The following ARHGAP39 variants were observed in gnomAD, a reference collection of about 807,000 sequenced individuals.
ARHGAP39 encodes Rho GTPase activating protein 39.
Under a neutral mutation model 106.9 loss-of-function variants are expected in ARHGAP39, and 44 were observed. The observed-to-expected ratio is 0.41, with a 90% confidence interval of 0.32 to 0.53. The LOEUF (loss-of-function observed/expected upper bound fraction) is 0.53, where lower values mean the gene tolerates loss of function less well. Ranked by LOEUF, ARHGAP39 falls within the 20% of genes least tolerant of loss-of-function variation. The pLI is 0.21. For missense variants in ARHGAP39, 1,496 were observed against 1,577.3 expected (o/e 0.95, Z 0.87); for synonymous variants, 768 against 693.2 (o/e 1.11, Z -1.69).
At chr8:144,664,408 G>A (rs567768272) in intron 1 of ARHGAP39, among the ~76,000 whole-genome samples, 1 of 152,326 alleles carries the variant, frequency 6.6e-6, no homozygotes, top group Admixed American at 6.5e-5. Context: ...TCTGTGAAGG[G>A]CAAGGCCACG....
At chr8:144,699,146 C>T in the ARHGAP39 span, 3 of 281,726 alleles carry the variant, frequency 1.1e-5, no homozygotes, top group African/African-American at 2.4e-5. Context: ...GGACTGTAAG[C>T]CCTGGGAGAT....
At chr8:144,572,423 T>C (rs1818619327) in intron 3 of ARHGAP39, among the ~76,000 whole-genome samples, 2 of 152,192 alleles carry the variant, frequency 1.3e-5, no homozygotes, top group Non-Finnish European at 2.9e-5. Context: ...TGGCTAGCCA[T>C]ATGTAGAAAG....
intron 3 of ARHGAP39, among the ~76,000 whole-genome samples, chr8:144,580,438 C>T (rs1436035523): frequency 6.6e-6 from 1 of 152,206 alleles, no homozygotes; most frequent in African/African-American, 2.4e-5. Context: ...GACCCAGAAC[C>T]CTCTGAGGCT....
intron 1 of ARHGAP39, among the ~76,000 whole-genome samples, chr8:144,609,467 T>A (rs941961098): frequency 1.3e-5 from 2 of 149,508 alleles, no homozygotes; most frequent in Non-Finnish European, 3.0e-5. Context: ...AGTGGCATGA[T>A]CTCGGCTGAC....
At chr8:144,622,215 G>A (rs561435573) in intron 1 of ARHGAP39, among the ~76,000 whole-genome samples, 14 of 152,160 alleles carry the variant, frequency 9.2e-5, no homozygotes, top group African/African-American at 1.9e-4. Flanking sequence ...CGGGCAAAGC[G>A]TGGGGGCCTT....
Position 144,637,534 on chromosome 8 carries a change from C to T in ARHGAP39, c.-81-31839G>A, listed in dbSNP as rs542105562. Among the ~76,000 whole-genome samples, 25 of 152,268 alleles carry T rather than the reference C, an allele frequency of 1.6e-4. No individual in the cohort carries two copies. The Middle Eastern group carries it at 0.01, about 62-fold the overall frequency. ...TTGAGGCAGGAAAATCGCTTCAACC[C>T]GGGAGGCAGAGGTTGCAGTGAGCCA... On this transcript the variant is annotated intron_variant, in intron 1 of 11. Transcript: ENST00000377307.
intron 2 of ARHGAP39, among the ~76,000 whole-genome samples, chr8:144,603,200 C>T (rs1426699676): frequency 4.0e-5 from 4 of 99,998 alleles, no homozygotes; most frequent in East Asian, 3.1e-4. Flanking sequence ...TGCGTGGAGG[C>T]GTGTGTGTGC....
intron 1 of ARHGAP39, among the ~76,000 whole-genome samples, chr8:144,620,694 T>A (rs987717683): frequency 2.6e-5 from 4 of 152,198 alleles, no homozygotes; most frequent in Non-Finnish European, 1.5e-5. Flanking sequence ...CCAAACCCAA[T>A]TCAGGTCCAG....
chr8:144,616,596 T>G (rs924358588), intron 1 of ARHGAP39, among the ~76,000 whole-genome samples: 2 of 152,156 alleles, frequency 1.3e-5, no homozygotes, highest in Non-Finnish European at 2.9e-5. Context: ...TTGCTGACTC[T>G]GAGCCACTGC....
intron 1 of ARHGAP39, among the ~76,000 whole-genome samples, chr8:144,640,720 T>C (rs951812495): frequency 1.3e-5 from 2 of 152,234 alleles, no homozygotes; most frequent in Non-Finnish European, 1.5e-5. Context: ...TAAATACCCA[T>C]TAGGTATTAG....
At chr8:144,534,643 C>G (rs896741092) in intron 7 of ARHGAP39, among the ~76,000 whole-genome samples, 12 of 152,232 alleles carry the variant, frequency 7.9e-5, no homozygotes, top group African/African-American at 2.9e-4. Flanking sequence ...ACCCAGCACC[C>G]GCAGCCAGTG....
rs377535340 is a variant in ARHGAP39 at position 144,547,729 on chromosome 8, C to G, written c.1357G>C (p.Gly453Arg). Residue 453 changes from glycine (G) to arginine (R), a missense_variant, in exon 5 of 12, where the codon GGA becomes CGA. Gly to Arg is a moderately radical substitution (Grantham distance 125). Around this residue, in one of 4 missense-constraint regions of ARHGAP39, gnomAD observed 905 missense variants for 816.4 expected, o/e 1.11. Transcript: ENST00000377307. This position sits in a 1 kb window ranked among gnomAD's most constrained non-coding sequence, Gnocchi z 5.2. ...VKSGDYSTMEGPELRHSQPPT... is the reference protein window; with the variant it reads ...VKSGDYSTMERPELRHSQPPT... Reference sequence around the variant, plus strand: ...GGCTGGCTGTGCCGCAGCTCAGGTCCCTCCATGGTGCTGTAGTCTCCGGAC... The same window carrying G: ...GGCTGGCTGTGCCGCAGCTCAGGTCGCTCCATGGTGCTGTAGTCTCCGGAC... 1.3e-6 allele frequency: 2 copies of G among 1,596,016 alleles called. No homozygotes were observed. Among genetic ancestry groups the G allele is most frequent in the Admixed American group, 1.7e-5 (1 of 59,134 alleles).
In ARHGAP39 at chr8:144,530,387, C is replaced by A; in HGVS notation, c.*35G>T. The A allele has an allele frequency of 6.4e-7, 1 of 1,554,850 alleles. No individual in the cohort carries two copies. Among genetic ancestry groups the A allele is most frequent in the Non-Finnish European group, 8.7e-7 (1 of 1,145,356 alleles). On this transcript the variant is annotated 3_prime_UTR_variant, in exon 12 of 12. Transcript: ENST00000377307. Reference sequence around the variant, plus strand: ...GTGCGGAGTTCGGCCTGGCTGGGGGCGGCAGGACATCCCTCCTGTCCCCGG... The same window carrying A: ...GTGCGGAGTTCGGCCTGGCTGGGGGAGGCAGGACATCCCTCCTGTCCCCGG...
Position 144,591,279 on chromosome 8 carries a change from T to C in ARHGAP39, c.81-10002A>G, listed in dbSNP as rs948977220. Among the ~76,000 whole-genome samples, 1 of 151,976 alleles carries C rather than the reference T, an allele frequency of 6.6e-6. No homozygotes were observed. Among genetic ancestry groups the C allele is most frequent in the African/African-American group, 2.4e-5 (1 of 41,378 alleles). On this transcript the variant is annotated intron_variant, in intron 2 of 11. Transcript: ENST00000377307. The surrounding 1 kb of genome is among the most constrained non-coding windows in gnomAD (Gnocchi z 5.3). ...CAGACCTGCAGGGGAGGGTGGCGCG[T>C]GTGAGGAGCACCTGCTGGGACATTG...
At position 144,585,617 on chromosome 8, in the gene ARHGAP39, G is replaced by A. The variant is rs548737229; in HGVS notation, c.81-4340C>T. Among the ~76,000 whole-genome samples, 14 of 152,264 alleles carry A rather than the reference G, an allele frequency of 9.2e-5. No individual in the cohort carries two copies. In the East Asian group the frequency reaches 1.5e-3, roughly 17 times the overall value. ...CAGGGACACCAACATGGTGCACCTC[G>A]AACCCCCACAGCTCAGCACTCTAGG... On this transcript the variant is annotated intron_variant, in intron 2 of 11. Transcript: ENST00000377307. This position sits in a 1 kb window ranked among gnomAD's most constrained non-coding sequence, Gnocchi z 4.6.
At chr8:144,557,390 G>T (rs1817974784) in intron 3 of ARHGAP39, among the ~76,000 whole-genome samples, 1 of 130,278 alleles carries the variant, frequency 7.7e-6, no homozygotes, top group African/African-American at 2.7e-5. Flanking sequence ...AGTATTCAGT[G>T]GCAAAAGGCT....
At chr8:144,533,778 G>A (rs1338736011) in intron 8 of ARHGAP39, among the ~76,000 whole-genome samples, 1 of 152,242 alleles carries the variant, frequency 6.6e-6, no homozygotes, top group Non-Finnish European at 1.5e-5. Flanking sequence ...CGCTGGGGAG[G>A]GGTATGATGG....
At chr8:144,540,735 G>C (rs1224519536) in intron 6 of ARHGAP39, among the ~76,000 whole-genome samples, 1 of 152,202 alleles carries the variant, frequency 6.6e-6, no homozygotes, top group East Asian at 1.9e-4. Context: ...GAGAGGTGGA[G>C]GCTACAGTGA....
At chr8:144,608,156 CAAAAAAAA>C (rs60966946) in intron 1 of ARHGAP39, among the ~76,000 whole-genome samples, 31 of 96,324 alleles carry the variant, frequency 3.2e-4, no homozygotes, top group Middle Eastern at 5.2e-3. Context: ...GACTCTGTCT[CAAAAAAAA>C]AAAAAAAAAA....
Sources: allele counts gnomAD v4.1 joint callset (sites outside exome capture counted in the v4.1 genomes callset), GRCh38; gene constraint gnomAD v4.1.1; regional missense constraint gnomAD v4.1.1; non-coding constraint Gnocchi (gnomAD v3.1); transcripts MANE v1.5; gene names NCBI Gene and HGNC (gene_info 2026-07-23, HGNC 2026-07-21).